Variants in ITGAV observed in about 807,000 individuals in gnomAD.
ITGAV encodes integrin subunit alpha V.
ITGAV carries 76 observed loss-of-function variants against 143.8 expected under a neutral mutation model. The observed-to-expected ratio is 0.53, with a 90% CI of 0.44 to 0.64. ITGAV has a LOEUF of 0.64. Ranked by LOEUF, ITGAV falls within the 30% of genes least tolerant of loss-of-function variation. The pLI, the probability that ITGAV is intolerant of heterozygous loss-of-function variation, is 0.00. For synonymous variants in ITGAV, 453 were observed against 446.7 expected (o/e 1.01, Z -0.18); for missense variants, 1,193 against 1,274.7 (o/e 0.94, Z 0.98).
Position 186,638,448 on chromosome 2 carries a change from A to G in ITGAV, c.886A>G (p.Asn296Asp). The G allele has an allele frequency of 6.2e-7, 1 of 1,611,236 alleles. No homozygotes were observed. Among genetic ancestry groups the G allele is most frequent in the Non-Finnish European group, 8.5e-7 (1 of 1,178,652 alleles). The change falls in exon 10 of 30, where the codon AAT becomes GAT. Residue 296 changes from asparagine to aspartate, a missense_variant. Coordinates refer to ENST00000261023, the MANE Select transcript of ITGAV (RefSeq NM_002210.5). Reference sequence around the variant, plus strand: ...TGGGAAGAACATGTCCTCCTTATACAATTTTACTGGCGAGCAGGTATGCTT... The same window carrying G: ...TGGGAAGAACATGTCCTCCTTATACGATTTTACTGGCGAGCAGGTATGCTT... Reference protein sequence around the residue: ...YDGKNMSSLYNFTGEQMAAYF... With the variant: ...YDGKNMSSLYDFTGEQMAAYF...
chr2:186,608,082 G>A (rs890664649), intron 2 of ITGAV, among the ~76,000 whole-genome samples: 32 of 152,146 alleles, frequency 2.1e-4, no homozygotes, highest in Admixed American at 3.3e-4. Flanking sequence ...TATCTGAGCC[G>A]TCACCTGGCG....
chr2:186,607,775 C>A (rs1216741112), intron 2 of ITGAV, among the ~76,000 whole-genome samples: 2 of 152,116 alleles, frequency 1.3e-5, no homozygotes, highest in Non-Finnish European at 2.9e-5. Context: ...CTTTAAGTTT[C>A]TAGTCTGACT....
intron 28 of ITGAV, 63 bp from the exon 29 acceptor site, chr2:186,676,750 T>C (rs1689220949): frequency 6.7e-7 from 1 of 1,496,646 alleles, no homozygotes; most frequent in African/African-American, 1.4e-5. Flanking sequence ...TAATATTTAC[T>C]CAGATATTTG....
intron 5 of ITGAV, among the ~76,000 whole-genome samples, chr2:186,631,895 C>T (rs1687822582): frequency 1.3e-5 from 2 of 152,132 alleles, no homozygotes; most frequent in South Asian, 4.1e-4. Flanking sequence ...GCATGGGTGA[C>T]ATGTGCTTGT....
In ITGAV at chr2:186,640,902, T is replaced by A. The variant is rs1288727419; in HGVS notation, c.904-13T>A. 1.3e-6 allele frequency: 2 copies of A among 1,579,836 alleles called. No individual in the cohort carries two copies. On this transcript the variant is annotated splice_polypyrimidine_tract_variant and intron_variant, in intron 10 of 29. Transcript: ENST00000261023. ...ATGAAATATAAACATTTCATTTTCA[T>A]CTTTTTATCCAGATGGCTGCATATT... is the stretch of plus-strand genomic sequence containing the variant.
intron 1 of ITGAV, among the ~76,000 whole-genome samples, chr2:186,591,093 T>C (rs532560316): frequency 6.6e-6 from 1 of 152,366 alleles, no homozygotes; most frequent in African/African-American, 2.4e-5. Context: ...GTCTTATCTC[T>C]GGGACTGTCA....
At chr2:186,630,748 G>T in intron 4 of ITGAV, 49 bp from the exon 5 acceptor site, 1 of 985,780 alleles carries the variant, frequency 1.0e-6, no homozygotes, top group East Asian at 2.4e-5. Flanking sequence ...GTTTTGTTTT[G>T]TGTTGTTTGT....
In ITGAV at chr2:186,646,596, C is replaced by T; in HGVS notation, c.1160-90C>T. Reference sequence around the variant, plus strand: ...TCTCTTCATCCTTGCCCTCTTCCCCCCTTCTCTCGTTCCTTCCTCATTCTT... The same window carrying T: ...TCTCTTCATCCTTGCCCTCTTCCCCTCTTCTCTCGTTCCTTCCTCATTCTT... On this transcript the variant is annotated intron_variant, in intron 12 of 29. Transcript: ENST00000261023. The T allele has an allele frequency of 5.8e-6, 5 of 860,212 alleles. No homozygotes were observed. The South Asian group carries it at 5.8e-5, about 10-fold the overall frequency. 53.3% of individuals were successfully genotyped at this position (860,212 alleles called of 1,614,324 possible).
intron 1 of ITGAV, among the ~76,000 whole-genome samples, chr2:186,591,876 A>T (rs61763609): frequency 3.9e-5 from 6 of 152,306 alleles, no homozygotes; most frequent in African/African-American, 1.4e-4. Flanking sequence ...TTCCAACATG[A>T]TAAAAATAAT....
chr2:186,619,158 T>A (rs914952841), intron 2 of ITGAV, among the ~76,000 whole-genome samples: 11 of 150,760 alleles, frequency 7.3e-5, no homozygotes, highest in Non-Finnish European at 1.5e-4. Context: ...CTGTCTCCTG[T>A]CTGTGTTCAG....
chr2:186,613,969 C>T (rs1003434231), intron 2 of ITGAV, among the ~76,000 whole-genome samples: 7 of 151,886 alleles, frequency 4.6e-5, no homozygotes, highest in African/African-American at 9.7e-5. Context: ...TTCCTAGGAA[C>T]GCTAATGCTT....
At chr2:186,653,077 C>G (rs1426518799) in intron 15 of ITGAV, among the ~76,000 whole-genome samples, 2 of 151,688 alleles carry the variant, frequency 1.3e-5, no homozygotes, top group Non-Finnish European at 2.9e-5. Flanking sequence ...TCCCGAGTAG[C>G]TGGGACTACA....
intron 4 of ITGAV, 43 bp downstream of exon 4, chr2:186,625,630 G>A (rs1559048159): frequency 1.5e-6 from 2 of 1,329,184 alleles, no homozygotes; most frequent in African/African-American, 1.5e-5. Flanking sequence ...AGAGGGGTGG[G>A]AAGCCTAGTT....
At position 186,611,907 on chromosome 2, in the gene ITGAV, A is replaced by AT. The variant is rs537774413; in HGVS notation, c.316+9764dup. 1.9e-4 allele frequency among the ~76,000 whole-genome samples: 29 copies of AT among 152,032 alleles called. No homozygotes were observed. The East Asian group carries it at 2.1e-3, about 11-fold the overall frequency. ...GCAACATAATGAGATCCCATATCTG[A>AT]TTTTTTTTAAAAAAGGTAATGTCTA... On this transcript the variant is annotated intron_variant, in intron 2 of 29. Transcript: ENST00000261023.
chr2:186,593,710 A>G (rs1051906784), intron 1 of ITGAV, among the ~76,000 whole-genome samples: 2 of 152,164 alleles, frequency 1.3e-5, no homozygotes, highest in Non-Finnish European at 1.5e-5. Context: ...AAGGGGAAGC[A>G]GATATACTCA....
intron 16 of ITGAV, among the ~76,000 whole-genome samples, chr2:186,655,135 C>T (rs1233943032): frequency 6.6e-6 from 1 of 152,150 alleles, no homozygotes; most frequent in East Asian, 1.9e-4. Flanking sequence ...AAGTTTTGGT[C>T]ATGCAATTTA....
intron 17 of ITGAV, 132 bp downstream of exon 17, chr2:186,656,533 C>T: frequency 1.5e-6 from 1 of 649,396 alleles, no homozygotes; most frequent in Non-Finnish European, 2.5e-6. Context: ...GGAAATTTAG[C>T]TTTGTAAAGT....
chr2:186,675,742 G>A lies in ITGAV; in HGVS notation c.2820+25G>A, dbSNP rs141259076. The A allele has an allele frequency of 2.5e-5, 40 of 1,569,078 alleles. No individual in the cohort carries two copies. The Middle Eastern group carries it at 8.4e-4, about 33-fold the overall frequency. On this transcript the variant is annotated intron_variant, in intron 27 of 29. Transcript: ENST00000261023. ...TGTAAGTAGACAGGTGCAGCATTTAGCAAACATACCCAGTGTTTTCAAATA... is the reference window on the plus strand; with the variant it reads ...TGTAAGTAGACAGGTGCAGCATTTAACAAACATACCCAGTGTTTTCAAATA...
At chr2:186,644,820 TA>T (rs113937015) in intron 12 of ITGAV, among the ~76,000 whole-genome samples, 69 of 146,146 alleles carry the variant, frequency 4.7e-4, no homozygotes, top group South Asian at 1.5e-3. Context: ...CATATATGTT[TA>T]AAAAAAAAAA....
Sources: gnomAD v4.1 joint callset for allele counts (sites outside exome capture counted in the v4.1 genomes callset) on GRCh38, gnomAD v4.1.1 for gene constraint, MANE v1.5 for transcripts, NCBI Gene and HGNC (gene_info 2026-07-23, HGNC 2026-07-21) for gene names.